Variants in BIRC6 observed in about 807,000 individuals in gnomAD.
BIRC6 encodes the protein dual E2 ubiquitin-conjugating enzyme/E3 ubiquitin-protein ligase BIRC6.
A neutral mutation model predicts 503.3 loss-of-function variants in BIRC6; 98 were observed. That is an observed-to-expected ratio of 0.19 (90% confidence interval 0.17 to 0.23). BIRC6 has a LOEUF of 0.23. Among genes scored for constraint, BIRC6 ranks in the 10% least tolerant of loss-of-function variants. BIRC6 has a pLI of 1.00. For missense variants in BIRC6, 5,360 were observed against 5,806.0 expected (o/e 0.92, Z 2.50); for synonymous variants, 2,240 against 2,078.7 (o/e 1.08, Z -2.11).
chr2:32,365,442 C>T (rs1278654128), intron 1 of BIRC6, among the ~76,000 whole-genome samples: 4 of 151,840 alleles, frequency 2.6e-5, no homozygotes, highest in Non-Finnish European at 5.9e-5. Context: ...GCCTCAGCCT[C>T]CTGAATAGTT....
chr2:32,603,118 A>G lies in BIRC6; in HGVS notation c.14070+35A>G, dbSNP rs746249964. 6 of 1,557,888 alleles carry G rather than the reference A, an allele frequency of 3.9e-6. No homozygotes were observed. The Admixed American group carries it at 1.1e-4, about 29-fold the overall frequency. ...ATTTCTCTGACATTTTCACTTAAGA[A>G]ATAAAGAACTGTGTAGTATTTTAAA... On this transcript the variant is annotated intron_variant, in intron 71 of 73. Transcript: ENST00000421745.
At chr2:32,442,554 A>G (rs2045541458) in intron 19 of BIRC6, 99 bp downstream of exon 19, 3 of 1,281,820 alleles carry the variant, frequency 2.3e-6, no homozygotes, top group East Asian at 2.7e-5. Flanking sequence ...TGTTTAATGT[A>G]TGTATAATTT....
chr2:32,497,945 C>G (rs1416694054), intron 45 of BIRC6, among the ~76,000 whole-genome samples: 1 of 152,044 alleles, frequency 6.6e-6, no homozygotes, highest in Non-Finnish European at 1.5e-5. Context: ...GATCATTTTG[C>G]TATTTTTCTA....
chr2:32,388,707 G>A, intron 3 of BIRC6, 43 bp from the exon 4 acceptor site: 1 of 1,394,608 alleles, frequency 7.2e-7, no homozygotes, highest in South Asian at 1.7e-5. Context: ...GGTTAAAACT[G>A]TTGAGTACAT....
intron 72 of BIRC6, among the ~76,000 whole-genome samples, chr2:32,610,873 A>T (rs993047187): frequency 2.6e-5 from 4 of 151,302 alleles, no homozygotes; most frequent in African/African-American, 9.7e-5. Flanking sequence ...GGTTCAAGCA[A>T]TTGTCCTGCC....
intron 65 of BIRC6, among the ~76,000 whole-genome samples, chr2:32,574,262 C>T (rs1035995923): frequency 6.7e-6 from 1 of 148,996 alleles, no homozygotes; most frequent in Non-Finnish European, 1.5e-5. Flanking sequence ...TACAGGTGTG[C>T]GCCACCACGC....
intron 2 of BIRC6, chr2:32,379,056 A>G (rs1010501153): frequency 6.6e-5 from 10 of 152,230 alleles, no homozygotes; most frequent in Admixed American, 2.0e-4. Context: ...TATGTCCAAT[A>G]AAGTATATTC....
chr2:32,549,218 A>T (rs575722405), intron 64 of BIRC6, 95 bp from the exon 65 acceptor site: 2 of 820,774 alleles, frequency 2.4e-6, no homozygotes, highest in Non-Finnish European at 3.5e-6. Flanking sequence ...AGTAGAAAAT[A>T]TGTACTCTTA....
chr2:32,611,108 C>CTTTTTTTTTTTTTTTTTTTTT (rs1245765148), intron 72 of BIRC6, among the ~76,000 whole-genome samples: 13 of 126,164 alleles, frequency 1.0e-4, no homozygotes, highest in Admixed American at 7.5e-4. Flanking sequence ...ATTAAATTGC[C>CTTTTTTTTTTTTTTTTTTTTT]TTTTTTTTTT....
intron 39 of BIRC6, among the ~76,000 whole-genome samples, chr2:32,483,363 A>G (rs936354340): frequency 3.3e-5 from 5 of 152,226 alleles, no homozygotes; most frequent in African/African-American, 7.2e-5. Context: ...GAATGTTTCA[A>G]GTTAAATGCG....
chr2:32,438,785 C>T (rs995419421), intron 15 of BIRC6, among the ~76,000 whole-genome samples: 1 of 152,040 alleles, frequency 6.6e-6, no homozygotes, highest in South Asian at 2.1e-4. Flanking sequence ...TGGTCTCGAT[C>T]TCCTGACCTT....
chr2:32,603,166 AATATAGTAAACCTAAAAAAAG>A, intron 71 of BIRC6, 83 bp downstream of exon 71: 2 of 983,068 alleles, frequency 2.0e-6, no homozygotes, highest in Non-Finnish European at 3.0e-6. Context: ...ACCAAGAATA[AATATAGTAAACCTAAAAAAAG>A]ATAGATTACT....
intron 23 of BIRC6, among the ~76,000 whole-genome samples, chr2:32,460,190 T>A (rs1242729913): frequency 7.1e-6 from 1 of 139,948 alleles, no homozygotes; most frequent in Non-Finnish European, 1.5e-5. Flanking sequence ...ATATCTCATA[T>A]GTGATATATA....
intron 3 of BIRC6, among the ~76,000 whole-genome samples, chr2:32,384,549 C>T (rs180879070): frequency 6.6e-6 from 1 of 152,160 alleles, no homozygotes; most frequent in African/African-American, 2.4e-5. Flanking sequence ...ATGTTGAAGA[C>T]AAATTGCTGC....
chr2:32,371,070 G>A (rs1316730139), intron 1 of BIRC6, among the ~76,000 whole-genome samples: 10 of 151,560 alleles, frequency 6.6e-5, no homozygotes, highest in African/African-American at 2.4e-4. Context: ...GAAATTAGCC[G>A]GGCGTGCTGT....
chr2:32,387,544 A>G (rs2038646861), intron 3 of BIRC6, among the ~76,000 whole-genome samples: 1 of 152,198 alleles, frequency 6.6e-6, no homozygotes, highest in African/African-American at 2.4e-5. Flanking sequence ...AATATTAAAT[A>G]ATCATGGCTA....
At chr2:32,408,229 A>G (rs942129764) in intron 9 of BIRC6, among the ~76,000 whole-genome samples, 2 of 152,028 alleles carry the variant, frequency 1.3e-5, no homozygotes, top group Non-Finnish European at 2.9e-5. Flanking sequence ...TGGCCTCCTA[A>G]AGTGCTAGGA....
chr2:32,530,882 G>A (rs1426915613), intron 60 of BIRC6, among the ~76,000 whole-genome samples: 2 of 151,998 alleles, frequency 1.3e-5, no homozygotes, highest in African/African-American at 4.8e-5. Flanking sequence ...AAACTAATAT[G>A]GTATAATTTT....
intron 8 of BIRC6, among the ~76,000 whole-genome samples, chr2:32,405,477 T>G (rs1258526796): frequency 6.6e-6 from 1 of 152,148 alleles, no homozygotes; most frequent in Non-Finnish European, 1.5e-5. Flanking sequence ...TCCTTAAGCA[T>G]TTTCAGTGCG....
Sources: allele counts gnomAD v4.1 joint callset (sites outside exome capture counted in the v4.1 genomes callset), GRCh38; gene constraint gnomAD v4.1.1; transcripts MANE v1.5; gene names NCBI Gene and HGNC (gene_info 2026-07-23, HGNC 2026-07-21).